NOX4: variants seen among roughly 807,000 people sequenced by gnomAD.
NOX4 encodes NADPH oxidase 4.
In NOX4, 69 loss-of-function variants were observed where a neutral mutation model predicts 87.6. That is an observed-to-expected ratio of 0.79 (90% CI 0.65 to 0.96). NOX4 has a LOEUF of 0.96. Ranked by LOEUF, NOX4 falls within the 40% of genes least tolerant of loss-of-function variation. The probability of loss-of-function intolerance (pLI) is 0.00; values close to 1 mark genes in which losing one functional copy is unlikely to be tolerated. For synonymous variants in NOX4, 275 were observed against 238.2 expected, an observed-to-expected ratio of 1.15 and a Z score of -1.42; for missense variants, 680 against 681.5, an observed-to-expected ratio of 1.00 and a Z score of 0.02.
At chr11:89,448,218 A>AAAC (rs369024514) in intron 4 of NOX4, among the ~76,000 whole-genome samples, 15 of 152,198 alleles carry the variant, frequency 9.9e-5, no homozygotes, top group East Asian at 1.9e-4. Context: ...TTACAGTTAA[A>AAAC]AACAACAACA....
In NOX4 at chr11:89,450,655, C is replaced by T. The variant is rs371702105; in HGVS notation, c.264+1130G>A. Among the ~76,000 whole-genome samples, 3 of 151,814 alleles carry T rather than the reference C, an allele frequency of 2.0e-5. No individual in the cohort carries two copies. In the South Asian group the frequency reaches 6.3e-4, roughly 32 times the overall value. ...GTTACATATGTATACATGTGCCATG[C>T]TGGTGTGCTGCACCCGTTAACTCGT... On this transcript the variant is annotated intron_variant, in intron 3 of 17. Coordinates refer to ENST00000263317, the MANE Select transcript of NOX4 (RefSeq NM_016931.5).
upstream of NOX4, among the ~76,000 whole-genome samples, chr11:89,493,834 C>T (rs1946918983): frequency 1.3e-5 from 2 of 151,758 alleles, no homozygotes; most frequent in East Asian, 1.9e-4. Flanking sequence ...ACTGTAACCT[C>T]CACCTCCTGG....
At chr11:89,438,801 AT>A (rs1565293239) in intron 6 of NOX4, among the ~76,000 whole-genome samples, 381 of 4,142 alleles carry the variant, frequency 0.092, 17 homozygotes, top group African/African-American at 0.36. Context: ...TGTATAATAT[AT>A]TATATATTAT....
At chr11:89,386,545 C>T (rs1365139573) in intron 11 of NOX4, among the ~76,000 whole-genome samples, 2 of 152,100 alleles carry the variant, frequency 1.3e-5, no homozygotes, top group South Asian at 2.1e-4. Flanking sequence ...TCTACCTCTC[C>T]CCAACTATCC....
At chr11:89,493,716 A>ATTG (rs1207618909), upstream of NOX4, among the ~76,000 whole-genome samples, 1 of 101,110 alleles carries the variant, frequency 9.9e-6, no homozygotes, top group African/African-American at 3.4e-5. Flanking sequence ...TCTAAGCCAG[A>ATTG]TTGTTTTATT....
upstream of NOX4, among the ~76,000 whole-genome samples, chr11:89,492,419 A>G (rs953152992): frequency 6.6e-6 from 1 of 152,222 alleles, no homozygotes; most frequent in Non-Finnish European, 1.5e-5. Context: ...AAATCTTACA[A>G]CACAGGCCAT....
At chr11:89,372,709 C>G (rs1939534898) in intron 12 of NOX4, among the ~76,000 whole-genome samples, 1 of 151,942 alleles carries the variant, frequency 6.6e-6, no homozygotes, top group South Asian at 2.1e-4. Context: ...TCGTTTAGCA[C>G]CTAAGTATAA....
At chr11:89,577,546 TATCTC>T in the NOX4 span, 1 of 152,206 alleles carries the variant, frequency 6.6e-6, no homozygotes, top group African/African-American at 2.4e-5. Context: ...TAAGAAATAT[TATCTC>T]AACTTCACAC....
the NOX4 span, chr11:89,533,544 A>T: frequency 6.6e-6 from 1 of 152,370 alleles, no homozygotes; most frequent in Admixed American, 6.5e-5. Context: ...CTGCTTGAAA[A>T]AAAGCTGCTC....
intron 2 of NOX4, among the ~76,000 whole-genome samples, chr11:89,481,662 C>A (rs557564803): frequency 3.0e-4 from 45 of 152,202 alleles, no homozygotes; most frequent in Non-Finnish European, 4.9e-4. Context: ...TTATGATAAA[C>A]ACAATGCTTA....
In NOX4 at chr11:89,472,668, A is replaced by C. The variant is rs78362023; in HGVS notation, c.153+17790T>G. Among the ~76,000 whole-genome samples, 151 of 152,292 alleles carry C rather than the reference A, an allele frequency of 9.9e-4. 3 individuals are homozygous for C. The East Asian group carries it at 0.029, about 29-fold the overall frequency. ...AGAGAGAGAAGAAAGCAGTATTATA[A>C]CATATTTTTGTCCCAATTTTGTCTA... is the stretch of plus-strand genomic sequence containing the variant. On this transcript the variant is annotated intron_variant, in intron 2 of 17. Coordinates refer to ENST00000263317, the MANE Select transcript of NOX4 (RefSeq NM_016931.5).
chr11:89,487,209 T>A (rs952459521), intron 2 of NOX4, among the ~76,000 whole-genome samples: 2 of 152,090 alleles, frequency 1.3e-5, no homozygotes, highest in Non-Finnish European at 2.9e-5. Flanking sequence ...TTTCAGCGAG[T>A]CATACAGCTT....
upstream of NOX4, among the ~76,000 whole-genome samples, chr11:89,498,568 C>T (rs1946984172): frequency 6.6e-6 from 1 of 152,136 alleles, no homozygotes; most frequent in Admixed American, 6.5e-5. Flanking sequence ...TAACTGATTT[C>T]TGTACCCTAT....
At chr11:89,559,279 G>T in the NOX4 span, among the ~76,000 whole-genome samples, 2 of 152,014 alleles carry the variant, frequency 1.3e-5, no homozygotes, top group African/African-American at 2.4e-5. Context: ...AATAGAAAAA[G>T]GAATTCAGAA....
At position 89,400,306 on chromosome 11, in the gene NOX4, T is replaced by C. The variant is rs200071768; in HGVS notation, c.920A>G (p.Lys307Arg). The C allele has an allele frequency of 2.8e-5, 45 of 1,612,844 alleles. 1 individual carries two copies. The highest frequency in any genetic ancestry group is 6.7e-5 in the Admixed American group (4 of 59,850). ...ERLYRYIRSNKPVTIISVMSH... is the reference protein window; with the variant it reads ...ERLYRYIRSNRPVTIISVMSH... ...CATGACCGAAATGATGGTGACTGGCTTATTGCTCCGGATATACCTGTAAAG... is the reference window on the plus strand; with the variant it reads ...CATGACCGAAATGATGGTGACTGGCCTATTGCTCCGGATATACCTGTAAAG... The change falls in exon 10 of 18, where the codon AAG becomes AGG. Residue 307 changes from lysine to arginine, a missense_variant. Transcript: ENST00000263317.
chr11:89,404,172 G>T (rs1942037384), intron 8 of NOX4, among the ~76,000 whole-genome samples: 1 of 152,048 alleles, frequency 6.6e-6, no homozygotes, highest in Non-Finnish European at 1.5e-5. Flanking sequence ...CAATACAATT[G>T]CTGGGATATT....
intron 2 of NOX4, among the ~76,000 whole-genome samples, chr11:89,471,585 A>G (rs1351447263): frequency 1.3e-5 from 2 of 152,248 alleles, no homozygotes; most frequent in Admixed American, 1.3e-4. Context: ...CACTAGGTTC[A>G]TATCATTAAT....
At chr11:89,383,110 A>G (rs1940417519) in intron 11 of NOX4, among the ~76,000 whole-genome samples, 1 of 152,190 alleles carries the variant, frequency 6.6e-6, no homozygotes, top group African/African-American at 2.4e-5. Context: ...CTCGCCTTCA[A>G]GATGTTCAAT....
At chr11:89,428,182 C>T (rs1943553763) in intron 7 of NOX4, among the ~76,000 whole-genome samples, 1 of 152,126 alleles carries the variant, frequency 6.6e-6, no homozygotes, top group Non-Finnish European at 1.5e-5. Flanking sequence ...GAGATTTTGG[C>T]ACCACCAGGC....
Sources: gnomAD v4.1 joint callset for allele counts (sites outside exome capture counted in the v4.1 genomes callset) on GRCh38, gnomAD v4.1.1 for gene constraint, MANE v1.5 for transcripts, NCBI Gene and HGNC (gene_info 2026-07-23, HGNC 2026-07-21) for gene names.